GLIS1: variants seen among roughly 807,000 people sequenced by gnomAD.
The protein encoded by GLIS1 is zinc finger protein GLIS1.
In GLIS1, 24 loss-of-function variants were observed where a neutral mutation model predicts 63.8. The ratio of observed to expected loss-of-function variants is 0.38; its 90% CI spans 0.27 to 0.53. The LOEUF is 0.53. Ranked by LOEUF, GLIS1 falls within the 20% of genes least tolerant of loss-of-function variation. The pLI is 0.85. For synonymous variants in GLIS1, 450 were observed against 482.5 expected, an observed-to-expected ratio of 0.93 and a Z score of 0.88; for missense variants, 1,036 against 1,074.1, an observed-to-expected ratio of 0.96 and a Z score of 0.50.
rs183986187 is a variant in GLIS1 at position 53,680,008 on chromosome 1, C to T, written c.259+57798G>A. ...AATGGAGACCCCTGTTTCCTTACCACCCCATCCAGGCCACATGTCTTTGAA... is the reference window on the plus strand; with the variant it reads ...AATGGAGACCCCTGTTTCCTTACCATCCCATCCAGGCCACATGTCTTTGAA... On this transcript the variant is annotated intron_variant, in intron 2 of 10. Coordinates refer to ENST00000628545, the MANE Select transcript of GLIS1 (RefSeq NM_001367484.1). Among the ~76,000 whole-genome samples the T allele has an allele frequency of 9.2e-5, 14 of 152,272 alleles. 1 individual carries two copies. In the South Asian group the frequency reaches 1.5e-3, roughly 16 times the overall value.
chr1:53,528,184 G>A (rs1230411331), intron 5 of GLIS1, among the ~76,000 whole-genome samples: 2 of 152,186 alleles, frequency 1.3e-5, no homozygotes, highest in African/African-American at 2.4e-5. Flanking sequence ...AGGGAGATCT[G>A]CTAGCACCCA....
chr1:53,716,817 TAA>T lies in GLIS1; in HGVS notation c.259+20987_259+20988del, dbSNP rs202087145. On this transcript the variant is annotated intron_variant, in intron 2 of 10. Coordinates refer to ENST00000628545, the MANE Select transcript of GLIS1 (RefSeq NM_001367484.1). ...AAACCGGCAGTAGAGAAATTATATT[TAA>T]AAAAAAGTCAAAGAACTAATACTCT... 5.2e-3 allele frequency among the ~76,000 whole-genome samples: 787 copies of T among 151,906 alleles called. 18 individuals are homozygous for T. Among genetic ancestry groups the T allele is most frequent in the East Asian group, 0.036 (188 of 5,174 alleles).
chr1:53,548,911 T>G (rs1644732240), intron 4 of GLIS1, among the ~76,000 whole-genome samples: 1 of 152,210 alleles, frequency 6.6e-6, no homozygotes, highest in African/African-American at 2.4e-5. Context: ...GAAAGAAACC[T>G]TGTATCTACT....
At chr1:53,527,895 T>C (rs1273328297) in intron 5 of GLIS1, among the ~76,000 whole-genome samples, 2 of 152,098 alleles carry the variant, frequency 1.3e-5, no homozygotes, top group Non-Finnish European at 2.9e-5. Context: ...GACCTAGACC[T>C]TGGGGTTCTG....
chr1:53,638,225 A>G (rs1427713247), intron 2 of GLIS1, among the ~76,000 whole-genome samples: 1 of 152,190 alleles, frequency 6.6e-6, no homozygotes, highest in African/African-American at 2.4e-5. Context: ...CCTCGGGGAA[A>G]GGGAGGGTTC....
At chr1:53,731,464 C>T (rs1426494498) in intron 2 of GLIS1, among the ~76,000 whole-genome samples, 5 of 152,150 alleles carry the variant, frequency 3.3e-5, no homozygotes, top group South Asian at 2.1e-4. Flanking sequence ...TCTCTAGAGC[C>T]GCATCCTCTC....
intron 4 of GLIS1, among the ~76,000 whole-genome samples, chr1:53,552,169 C>T (rs780854343): frequency 5.3e-5 from 8 of 152,146 alleles, no homozygotes; most frequent in Non-Finnish European, 1.0e-4. Context: ...ACAGAAGCCC[C>T]GCCAAAGCCC....
At chr1:53,615,203 C>T (rs907272951) in intron 2 of GLIS1, among the ~76,000 whole-genome samples, 14 of 152,102 alleles carry the variant, frequency 9.2e-5, no homozygotes, top group African/African-American at 3.1e-4. Flanking sequence ...CAGATGCTGG[C>T]CCAGGGAACT....
rs557306085 is a variant in GLIS1, at chr1:53,539,201, C to T, written c.1321-9249G>A. ...CACCTCTCCCTCCAACCAAGCCACA[C>T]GTCGGAGACAGCCCCAACACACACC... On this transcript the variant is annotated intron_variant, in intron 4 of 10. Transcript: ENST00000628545. This position sits in a 1 kb window ranked among gnomAD's most constrained non-coding sequence, Gnocchi z 5.0. Among the ~76,000 whole-genome samples the T allele has an allele frequency of 5.9e-5, 9 of 151,754 alleles. No individual in the cohort carries two copies. The South Asian group carries it at 6.2e-4, about 10-fold the overall frequency.
At chr1:53,723,895 A>T (rs1012300517) in intron 2 of GLIS1, among the ~76,000 whole-genome samples, 3 of 152,208 alleles carry the variant, frequency 2.0e-5, no homozygotes, top group Non-Finnish European at 1.5e-5. Context: ...ATTCCCGTTT[A>T]AGCTGCTGCT....
chr1:53,654,496 A>G (rs1645942992), intron 2 of GLIS1, among the ~76,000 whole-genome samples: 1 of 152,188 alleles, frequency 6.6e-6, no homozygotes, highest in Admixed American at 6.5e-5. Context: ...GAAGATCCAG[A>G]TGGGCATAGA....
At chr1:53,716,817 T>A (rs555359872) in intron 2 of GLIS1, among the ~76,000 whole-genome samples, 4 of 151,908 alleles carry the variant, frequency 2.6e-5, no homozygotes, top group Admixed American at 2.0e-4. Flanking sequence ...AAATTATATT[T>A]AAAAAAAAGT....
chr1:53,561,475 CATT>C (rs1162853057), intron 4 of GLIS1, among the ~76,000 whole-genome samples: 6 of 152,190 alleles, frequency 3.9e-5, no homozygotes, highest in Non-Finnish European at 8.8e-5. Flanking sequence ...TATGTCTTTA[CATT>C]ATTGTTGGCG....
rs1644494002 is a variant in GLIS1 at position 53,528,413 on chromosome 1, G to A, written c.1482+1378C>T. On this transcript the variant is annotated intron_variant, in intron 5 of 10. Transcript: ENST00000628545. ...ATCCCAGCTCTGCCACACACCTGCTGTGGACAGGGCAGATGACTCAGTCTC... is the reference window on the plus strand; with the variant it reads ...ATCCCAGCTCTGCCACACACCTGCTATGGACAGGGCAGATGACTCAGTCTC... Among the ~76,000 whole-genome samples the A allele has an allele frequency of 3.9e-5, 6 of 152,316 alleles. No homozygotes were observed. The South Asian group carries it at 1.2e-3, about 32-fold the overall frequency.
intron 4 of GLIS1, among the ~76,000 whole-genome samples, chr1:53,575,338 A>G (rs1645022865): frequency 6.6e-6 from 1 of 152,012 alleles, no homozygotes; most frequent in South Asian, 2.1e-4. Context: ...TCAGTCTGAC[A>G]TCTACAGTCC....
Position 53,594,956 on chromosome 1 carries a change from T to C in GLIS1, c.472A>G (p.Ser158Gly), listed in dbSNP as rs761798353. ...PRPQATYVNGSLPTTQHIKQE... is the reference protein window; with the variant it reads ...PRPQATYVNGGLPTTQHIKQE... ...TTGATGTGTTGTGTGGTTGGGAGGCTGCCGTTCACATACGTGGCCTGGGGT... is the reference window on the plus strand; with the variant it reads ...TTGATGTGTTGTGTGGTTGGGAGGCCGCCGTTCACATACGTGGCCTGGGGT... Residue 158 changes from serine (S) to glycine (G), a missense_variant, in exon 4 of 11, where the codon AGC becomes GGC. Around this residue, in one of 3 missense-constraint regions of GLIS1, gnomAD observed 592 missense variants for 593.9 expected, o/e 1.00. Coordinates refer to ENST00000628545, the MANE Select transcript of GLIS1 (RefSeq NM_001367484.1). 24 of 1,461,418 alleles carry C rather than the reference T, an allele frequency of 1.6e-5. No homozygotes were observed. Among genetic ancestry groups the C allele is most frequent in the Non-Finnish European group, 2.0e-5 (22 of 1,113,280 alleles). 90.5% of individuals were successfully genotyped at this position (1,461,418 alleles called of 1,614,324 possible). A position where few individuals can be genotyped will look rare whatever the true frequency, so the allele number is the denominator to read the frequency against.
chr1:53,651,279 C>T (rs1425856051), intron 2 of GLIS1, among the ~76,000 whole-genome samples: 1 of 152,180 alleles, frequency 6.6e-6, no homozygotes, highest in Admixed American at 6.5e-5. Context: ...AAACAAGGTT[C>T]GCATTTTAAA....
chr1:53,731,185 A>C (rs912940798), intron 2 of GLIS1, among the ~76,000 whole-genome samples: 1 of 152,194 alleles, frequency 6.6e-6, no homozygotes, highest in African/African-American at 2.4e-5. Context: ...GCTTCTGAGA[A>C]GCGGTCCCTC....
rs374901248 is a variant in GLIS1, at chr1:53,526,116, G to A, written c.1483-1229C>T. On this transcript the variant is annotated intron_variant, in intron 5 of 10. Transcript: ENST00000628545. This position sits in a 1 kb window ranked among gnomAD's most constrained non-coding sequence, Gnocchi z 4.4. ...CCGCTCTCTTAGAAGCCTCTGCCCT[G>A]CTGGGACTGCAGGGGACAGGAGAAG... Among the ~76,000 whole-genome samples the A allele has an allele frequency of 5.9e-4, 90 of 152,294 alleles. No homozygotes were observed. Among genetic ancestry groups the A allele is most frequent in the African/African-American group, 2.1e-3 (88 of 41,544 alleles).
Sources: gnomAD v4.1 joint callset for allele counts (sites outside exome capture counted in the v4.1 genomes callset) on GRCh38, gnomAD v4.1.1 for gene constraint, gnomAD v4.1.1 regional missense constraint, Gnocchi (gnomAD v3.1) non-coding constraint, MANE v1.5 for transcripts, NCBI Gene and HGNC (gene_info 2026-07-23, HGNC 2026-07-21) for gene names.